PDE4D: variants seen among roughly 807,000 people sequenced by gnomAD.
PDE4D encodes the protein 3',5'-cyclic-AMP phosphodiesterase 4D.
In PDE4D, 24 loss-of-function variants were observed where a neutral mutation model predicts 87.4. The ratio of observed to expected loss-of-function variants is 0.27; its 90% confidence interval spans 0.20 to 0.39. The LOEUF (loss-of-function observed/expected upper bound fraction) is 0.39, where lower values mean the gene tolerates loss of function less well. Ranked by LOEUF, PDE4D falls within the 10% of genes least tolerant of loss-of-function variation. The probability of loss-of-function intolerance (pLI) is 1.00; values close to 1 mark genes in which losing one functional copy is unlikely to be tolerated. For missense variants in PDE4D, 714 were observed against 1,041.0 expected, an observed-to-expected ratio of 0.69 and a Z score of 4.32; for synonymous variants, 384 against 383.2, an observed-to-expected ratio of 1.00 and a Z score of -0.02.
In PDE4D at chr5:59,213,194, T is replaced by C. The variant is rs542445259; in HGVS notation, c.647+2583A>G. Among the ~76,000 whole-genome samples, 12 of 151,490 alleles carry C rather than the reference T, an allele frequency of 7.9e-5. No homozygotes were observed. In the South Asian group the frequency reaches 2.5e-3, roughly 32 times the overall value. ...CTTTTTTTCCAGACACAGTCTTGTC[T>C]TCCTCTGTCACCCAGGCTGGACTGC... On this transcript the variant is annotated intron_variant, in intron 2 of 14. Coordinates refer to ENST00000340635, the MANE Select transcript of PDE4D (RefSeq NM_001104631.2).
At chr5:59,386,600 G>A (rs986066213) in intron 1 of PDE4D, among the ~76,000 whole-genome samples, 37 of 149,396 alleles carry the variant, frequency 2.5e-4, no homozygotes, top group Middle Eastern at 3.4e-3. Context: ...AGGATAGCTT[G>A]AGCCCAGGTA....
chr5:60,260,193 T>C (rs182837420), intron 1 of PDE4D, among the ~76,000 whole-genome samples: 6 of 152,004 alleles, frequency 3.9e-5, no homozygotes, highest in South Asian at 4.2e-4. Context: ...GGAAAACCCA[T>C]TGGAAAAAGC....
At chr5:60,024,199 G>A (rs1222136869) in intron 2 of PDE4D, among the ~76,000 whole-genome samples, 3 of 152,224 alleles carry the variant, frequency 2.0e-5, no homozygotes, top group African/African-American at 4.8e-5. Flanking sequence ...TTATAAAACA[G>A]TGTGTCTTCT....
intron 5 of PDE4D, among the ~76,000 whole-genome samples, chr5:59,178,191 CT>C (rs1784189644): frequency 6.6e-6 from 1 of 152,156 alleles, no homozygotes; most frequent in Admixed American, 6.5e-5. Context: ...GAACCTTCCC[CT>C]GCTACTGCCC....
intron 1 of PDE4D, among the ~76,000 whole-genome samples, chr5:59,483,937 A>G (rs1018341134): frequency 5.9e-5 from 9 of 152,234 alleles, no homozygotes; most frequent in African/African-American, 2.2e-4. Context: ...TAGCATAAAC[A>G]TAAAACTGAA....
Position 59,215,552 on chromosome 5 carries a change from C to CGTGTGT in PDE4D, c.647+219_647+224dup, listed in dbSNP as rs10693866. ...TATTTTCTGGGAAAATAAATACATG[C>CGTGTGT]GTGTGTGTGTGTGTGTGTGTGTGTG... On this transcript the variant is annotated intron_variant, in intron 2 of 14. Transcript: ENST00000340635. The CGTGTGT allele has an allele frequency of 3.5e-3, 1,264 of 364,232 alleles. 5 individuals carry two copies. Among genetic ancestry groups the CGTGTGT allele is most frequent in the African/African-American group, 0.02 (811 of 40,478 alleles). The allele number at this position is 364,232 out of a possible 1,614,324, so 22.6% of individuals were successfully genotyped here.
intron 1 of PDE4D, among the ~76,000 whole-genome samples, chr5:60,401,057 A>T (rs1382969669): frequency 6.6e-6 from 1 of 152,188 alleles, no homozygotes; most frequent in Non-Finnish European, 1.5e-5. Context: ...AAACCGTGGT[A>T]CTGGGGTAGT....
At chr5:60,315,247 C>CATTT (rs1755451519) in intron 1 of PDE4D, among the ~76,000 whole-genome samples, 1 of 152,206 alleles carries the variant, frequency 6.6e-6, no homozygotes, top group African/African-American at 2.4e-5. Flanking sequence ...TGATGATGAG[C>CATTT]ATTTTTTCAT....
chr5:59,596,597 C>T (rs1826716877), intron 1 of PDE4D, among the ~76,000 whole-genome samples: 1 of 151,888 alleles, frequency 6.6e-6, no homozygotes, highest in Non-Finnish European at 1.5e-5. Context: ...ATTATCTTGA[C>T]ATTGACTTTG....
intron 1 of PDE4D, chr5:60,303,937 T>G (rs1754185550): frequency 6.6e-6 from 1 of 152,236 alleles, no homozygotes; most frequent in South Asian, 2.1e-4. Context: ...TGTCTCTTTG[T>G]AAGTCTCTAA....
chr5:59,724,567 T>C (rs1344400470), intron 1 of PDE4D, among the ~76,000 whole-genome samples: 1 of 152,128 alleles, frequency 6.6e-6, no homozygotes, highest in Non-Finnish European at 1.5e-5. Context: ...TGTTTATTTA[T>C]ACTTAATTAT....
chr5:59,148,754 GGTGTGTGTGTGT>G (rs3061422), intron 5 of PDE4D, among the ~76,000 whole-genome samples: 43 of 145,594 alleles, frequency 3.0e-4, no homozygotes, highest in South Asian at 4.5e-4. Flanking sequence ...AATATATAGC[GGTGTGTGTGTGT>G]GTGTGTGTGT....
intron 2 of PDE4D, among the ~76,000 whole-genome samples, chr5:60,172,115 A>AT (rs1368180050): frequency 4.1e-5 from 6 of 147,084 alleles, no homozygotes; most frequent in African/African-American, 1.5e-4. Flanking sequence ...TATATATATT[A>AT]TATTATATAT....
intron 6 of PDE4D, among the ~76,000 whole-genome samples, chr5:58,995,621 C>T (rs1283239833): frequency 6.6e-6 from 1 of 152,184 alleles, no homozygotes; most frequent in Non-Finnish European, 1.5e-5. Flanking sequence ...TTTCTCCCAG[C>T]TCACTTTCTG....
At chr5:59,763,995 C>G (rs534342180) in intron 1 of PDE4D, among the ~76,000 whole-genome samples, 1 of 152,094 alleles carries the variant, frequency 6.6e-6, no homozygotes. Flanking sequence ...ACTGGAGGAA[C>G]CTTTTAGGAA....
intron 1 of PDE4D, among the ~76,000 whole-genome samples, chr5:59,647,455 C>G (rs1178573648): frequency 1.2e-5 from 1 of 81,826 alleles, no homozygotes. Flanking sequence ...AGGGATTTTT[C>G]AAAGTTTTTT....
chr5:59,307,763 G>A (rs1771699270), intron 1 of PDE4D, among the ~76,000 whole-genome samples: 1 of 151,972 alleles, frequency 6.6e-6, no homozygotes, highest in African/African-American at 2.4e-5. Context: ...ACTGTTGGTG[G>A]GACTGTCAAC....
intron 1 of PDE4D, among the ~76,000 whole-genome samples, chr5:60,351,282 C>T (rs1264150093): frequency 6.6e-6 from 1 of 152,182 alleles, no homozygotes; most frequent in African/African-American, 2.4e-5. Context: ...AATATCCACT[C>T]ATCTTCTTCT....
At chr5:60,209,433 T>C (rs16877762) in intron 1 of PDE4D, among the ~76,000 whole-genome samples, 894 of 152,292 alleles carry the variant, frequency 5.9e-3, no homozygotes, top group African/African-American at 0.021. Context: ...CTGCCATTCA[T>C]CTAAAAAACA....
Sources: gnomAD v4.1 joint callset for allele counts (sites outside exome capture counted in the v4.1 genomes callset) on GRCh38, gnomAD v4.1.1 for gene constraint, MANE v1.5 for transcripts, NCBI Gene and HGNC (gene_info 2026-07-23, HGNC 2026-07-21) for gene names.